Variants in KMT5B observed in about 807,000 individuals in gnomAD.
KMT5B encodes the protein lysine methyltransferase 5B, also known as histone-lysine N-methyltransferase KMT5B.
In KMT5B, 10 loss-of-function variants were observed where a neutral mutation model predicts 83.2. The ratio of observed to expected loss-of-function variants is 0.12; its 90% CI spans 0.07 to 0.20. KMT5B has a LOEUF of 0.20. Ranked by LOEUF, KMT5B falls within the 10% of genes least tolerant of loss-of-function variation. The pLI is 1.00. For missense variants in KMT5B, 753 were observed against 1,067.2 expected (o/e 0.71, Z 4.10); for synonymous variants, 349 against 388.8 (o/e 0.90, Z 1.20).
chr11:68,197,725 G>A (rs918876733), intron 1 of KMT5B, among the ~76,000 whole-genome samples: 3 of 152,112 alleles, frequency 2.0e-5, no homozygotes, highest in African/African-American at 4.8e-5. Context: ...TAATCTAACA[G>A]GTACTTCTGT....
intron 10 of KMT5B, 105 bp from the exon 11 acceptor site, chr11:68,159,276 A>G: frequency 7.0e-7 from 1 of 1,437,722 alleles, no homozygotes; most frequent in Non-Finnish European, 9.1e-7. Context: ...AGATTACACA[A>G]ACGCCAACAC....
intron 10 of KMT5B, chr11:68,166,002 G>T: frequency 6.2e-7 from 1 of 1,612,354 alleles, no homozygotes; most frequent in Non-Finnish European, 8.5e-7. Flanking sequence ...AAAGTAGGGA[G>T]AAGAACCTAA....
At chr11:68,185,265 G>C (rs1000861082) in intron 3 of KMT5B, among the ~76,000 whole-genome samples, 3 of 152,158 alleles carry the variant, frequency 2.0e-5, no homozygotes, top group Non-Finnish European at 4.4e-5. Context: ...GAGTGCAATG[G>C]CACGATCTCG....
chr11:68,174,479 T>C (rs1389018462), intron 5 of KMT5B, among the ~76,000 whole-genome samples: 2 of 152,126 alleles, frequency 1.3e-5, no homozygotes, highest in African/African-American at 2.4e-5. Flanking sequence ...TAATGGCTTG[T>C]TTCCCTTAAG....
chr11:68,166,302 A>AC, intron 10 of KMT5B: 5 of 1,087,892 alleles, frequency 4.6e-6, no homozygotes, highest in Non-Finnish European at 5.6e-6. Context: ...CTCTTTGTTT[A>AC]GTCTTCGTTC....
At chr11:68,169,418 G>A (rs76528645) in intron 9 of KMT5B, among the ~76,000 whole-genome samples, 1,614 of 152,296 alleles carry the variant, frequency 0.011, 10 homozygotes, top group Non-Finnish European at 0.017. Flanking sequence ...CCAGGGTACT[G>A]TTCTGTATTC....
At chr11:68,179,773 C>G in intron 4 of KMT5B, 1 of 543,500 alleles carries the variant, frequency 1.8e-6, no homozygotes, top group South Asian at 2.6e-5. Flanking sequence ...AGCTGCAAAT[C>G]CACAGTTTGT....
chr11:68,194,817 C>T (rs560917915), intron 1 of KMT5B, among the ~76,000 whole-genome samples: 2 of 152,268 alleles, frequency 1.3e-5, no homozygotes, highest in African/African-American at 4.8e-5. Context: ...GGTACAGATG[C>T]ATAAACTTGG....
Position 68,190,026 on chromosome 11 carries a change from A to C in KMT5B, c.51T>G (p.Asn17Lys). Reference protein sequence around the residue: ...SKNMVVNGRRNGGKLSNDHQQ... With the variant: ...SKNMVVNGRRKGGKLSNDHQQ... ...GATGGTCATTAGACAACTTGCCTCC[A>C]TTTCTCCTGCCATTCACCACCATGT... Residue 17 changes from asparagine to lysine, a missense_variant, in exon 2 of 11, where the codon AAT becomes AAG. Asn to Lys is a moderately conservative substitution (Grantham distance 94, BLOSUM62 0). This residue lies in a region of KMT5B where 56 missense variants were observed against 91.4 expected (regional missense o/e 0.61). Coordinates refer to ENST00000304363, the MANE Select transcript of KMT5B (RefSeq NM_017635.5). 6.2e-7 allele frequency: 1 copy of C among 1,613,990 alleles called. No homozygotes were observed. The highest frequency in any genetic ancestry group is 8.5e-7 in the Non-Finnish European group (1 of 1,179,992).
At chr11:68,166,693 T>C (rs1855350051) in intron 10 of KMT5B, 4 of 1,219,316 alleles carry the variant, frequency 3.3e-6, no homozygotes, top group South Asian at 2.3e-5. Flanking sequence ...CTCTAACACC[T>C]TGAAAATGTT....
At chr11:68,186,416 G>A (rs1315573443) in intron 2 of KMT5B, among the ~76,000 whole-genome samples, 1 of 152,210 alleles carries the variant, frequency 6.6e-6, no homozygotes, top group African/African-American at 2.4e-5. Context: ...TAGGGCAGGT[G>A]AATGATTATT....
intron 1 of KMT5B, among the ~76,000 whole-genome samples, chr11:68,207,719 A>T (rs1159883898): frequency 2.0e-5 from 3 of 147,044 alleles, no homozygotes; most frequent in Non-Finnish European, 4.5e-5. Flanking sequence ...TGAACCCAGG[A>T]GGCAGAGGTT....
intron 2 of KMT5B, among the ~76,000 whole-genome samples, chr11:68,187,116 C>A (rs546705414): frequency 6.6e-6 from 1 of 152,204 alleles, no homozygotes; most frequent in South Asian, 2.1e-4. Context: ...CCTGCCTCAG[C>A]CTCCCTAGTA....
At chr11:68,161,227 AG>A (rs1320227640) in intron 10 of KMT5B, among the ~76,000 whole-genome samples, 3 of 152,198 alleles carry the variant, frequency 2.0e-5, no homozygotes, top group Non-Finnish European at 4.4e-5. Flanking sequence ...TTAGAAAATA[AG>A]AAAAAATAGG....
rs1423679105 is a variant in KMT5B at position 68,157,165 on chromosome 11, A to G, written c.*523T>C. The G allele has an allele frequency of 6.6e-6, 1 of 152,308 alleles. No homozygotes were observed. Among genetic ancestry groups the G allele is most frequent in the Non-Finnish European group, 1.5e-5 (1 of 68,026 alleles). The allele number at this position is 152,308 out of a possible 1,614,324, so 9.4% of individuals were successfully genotyped here. A position where few individuals can be genotyped will look rare whatever the true frequency, so the allele number is the denominator to read the frequency against. On this transcript the variant is annotated 3_prime_UTR_variant, in exon 11 of 11. Transcript: ENST00000304363. ...TGCGATATTAACAAAGGCCACAAAC[A>G]GTACACCTGGGCCAGCAAACAGTGT...
chr11:68,160,809 C>T (rs746466759), intron 10 of KMT5B, among the ~76,000 whole-genome samples: 5 of 151,996 alleles, frequency 3.3e-5, no homozygotes, highest in Admixed American at 2.0e-4. Context: ...TAGTCGGGCA[C>T]GGTGGTACGT....
At chr11:68,183,753 G>T (rs543802413) in intron 3 of KMT5B, among the ~76,000 whole-genome samples, 2 of 150,518 alleles carry the variant, frequency 1.3e-5, no homozygotes, top group African/African-American at 2.5e-5. Context: ...TCTGTCTCCC[G>T]GGTTCACGTG....
chr11:68,182,236 T>A (rs1248248014), intron 3 of KMT5B, among the ~76,000 whole-genome samples: 1 of 152,126 alleles, frequency 6.6e-6, no homozygotes, highest in Non-Finnish European at 1.5e-5. Context: ...CCTAGTAAGG[T>A]ATTTTTATCC....
At chr11:68,207,016 G>C (rs1263543062) in intron 1 of KMT5B, among the ~76,000 whole-genome samples, 1 of 151,972 alleles carries the variant, frequency 6.6e-6, no homozygotes, top group East Asian at 1.9e-4. Flanking sequence ...GCTGAGGCGG[G>C]CGGATCACGA....
Sources: gnomAD v4.1 joint callset for allele counts (sites outside exome capture counted in the v4.1 genomes callset) on GRCh38, gnomAD v4.1.1 for gene constraint, gnomAD v4.1.1 regional missense constraint, MANE v1.5 for transcripts, NCBI Gene and HGNC (gene_info 2026-07-23, HGNC 2026-07-21) for gene names.